RFX7: variants seen among roughly 807,000 people sequenced by gnomAD.
RFX7 encodes the protein DNA-binding protein RFX7.
RFX7 carries 26 observed loss-of-function variants against 111.8 expected under a neutral mutation model. The ratio of observed to expected loss-of-function variants is 0.23; its 90% CI spans 0.17 to 0.32. The LOEUF (loss-of-function observed/expected upper bound fraction) is 0.32, where lower values mean the gene tolerates loss of function less well. Ranked by LOEUF, RFX7 falls within the 10% of genes least tolerant of loss-of-function variation. The pLI is 1.00. For synonymous variants in RFX7, 624 were observed against 624.4 expected (o/e 1.00, Z 0.01); for missense variants, 1,573 against 1,772.9 (o/e 0.89, Z 2.02).
intron 2 of RFX7, among the ~76,000 whole-genome samples, chr15:56,241,538 T>C (rs1398876331): frequency 6.6e-6 from 1 of 152,170 alleles, no homozygotes; most frequent in Non-Finnish European, 1.5e-5. Context: ...CTTAATTCAA[T>C]TTAATGATGA....
rs2043759621 is a variant in RFX7, at chr15:56,243,821, G to C, written c.-379C>G. ...GCCGCCGCCGCTCGCTCCCGGCCCC[G>C]CCGCCGCCGCGGCCGCCGCTGCCCT... On this transcript the variant is annotated 5_prime_UTR_variant, in exon 1 of 10. Transcript: ENST00000559447. 6.8e-6 allele frequency among the ~76,000 whole-genome samples: 1 copy of C among 147,138 alleles called. No individual in the cohort carries two copies. Among genetic ancestry groups the C allele is most frequent in the African/African-American group, 2.4e-5 (1 of 40,836 alleles).
intron 5 of RFX7, among the ~76,000 whole-genome samples, chr15:56,120,318 G>C (rs1187881934): frequency 6.6e-6 from 1 of 152,050 alleles, no homozygotes; most frequent in African/African-American, 2.4e-5. Context: ...TGGCAAATAG[G>C]AATGCTACTG....
intron 2 of RFX7, among the ~76,000 whole-genome samples, chr15:56,203,998 A>G (rs1298462602): frequency 6.9e-6 from 1 of 144,662 alleles, no homozygotes; most frequent in Non-Finnish European, 1.5e-5. Context: ...TCTGATTGGG[A>G]CCTCTTTTCT....
chr15:56,151,313 G>C (rs1291086904), intron 3 of RFX7, among the ~76,000 whole-genome samples: 1 of 152,190 alleles, frequency 6.6e-6, no homozygotes, highest in Non-Finnish European at 1.5e-5. Context: ...CAGACAGAAA[G>C]GTCAGGTTAC....
chr15:56,164,400 CAT>C lies in RFX7; in HGVS notation c.195+14868_195+14869del, dbSNP rs140817248. 2.1e-4 allele frequency among the ~76,000 whole-genome samples: 32 copies of C among 152,294 alleles called. No homozygotes were observed. The East Asian group carries it at 6.2e-3, about 29-fold the overall frequency. On this transcript the variant is annotated intron_variant, in intron 3 of 9. Coordinates refer to ENST00000559447, the MANE Select transcript of RFX7 (RefSeq NM_022841.7). Reference sequence around the variant, plus strand: ...ACCATCCAGACTATATCTGAGCAATCATATGTTTTAATATCCAAGATCTGTGA... The same window carrying C: ...ACCATCCAGACTATATCTGAGCAATCATGTTTTAATATCCAAGATCTGTGA...
intron 3 of RFX7, among the ~76,000 whole-genome samples, chr15:56,147,550 T>C (rs2042495886): frequency 6.6e-6 from 1 of 152,082 alleles, no homozygotes; most frequent in Admixed American, 6.6e-5. Flanking sequence ...TTTTATGCTA[T>C]GTATATTTTA....
chr15:56,158,467 C>T (rs1473050926), intron 3 of RFX7, among the ~76,000 whole-genome samples: 1 of 151,968 alleles, frequency 6.6e-6, no homozygotes, highest in East Asian at 1.9e-4. Context: ...TTTGATGTGG[C>T]AAAGTAAGGC....
intron 3 of RFX7, among the ~76,000 whole-genome samples, chr15:56,177,660 G>C (rs1327529602): frequency 6.6e-6 from 1 of 152,094 alleles, no homozygotes; most frequent in Non-Finnish European, 1.5e-5. Flanking sequence ...TTAATGAAGA[G>C]AAAAAAGTGA....
At chr15:56,163,234 C>T (rs2042745761) in intron 3 of RFX7, among the ~76,000 whole-genome samples, 1 of 152,062 alleles carries the variant, frequency 6.6e-6, no homozygotes, top group Middle Eastern at 3.2e-3. Flanking sequence ...TAACCCCTCA[C>T]AGATGCAGCA....
At chr15:56,109,836 G>C (rs1323964079) in intron 5 of RFX7, among the ~76,000 whole-genome samples, 1 of 149,646 alleles carries the variant, frequency 6.7e-6, no homozygotes, top group African/African-American at 2.5e-5. Flanking sequence ...GAAGTGAGGA[G>C]CCCCTCCGCC....
chr15:56,211,171 G>T lies in RFX7; in HGVS notation c.162-31868C>A, dbSNP rs539021693. Among the ~76,000 whole-genome samples the T allele has an allele frequency of 2.0e-5, 3 of 152,098 alleles. No homozygotes were observed. The South Asian group carries it at 6.2e-4, about 32-fold the overall frequency. On this transcript the variant is annotated intron_variant, in intron 2 of 9. Transcript: ENST00000559447. ...AAACCAAAAGCAAAGGGTCTGGATG[G>T]GTTCACTGGTAAGTTCTACCAAACA...
chr15:56,240,968 G>A (rs1402008715), intron 2 of RFX7, among the ~76,000 whole-genome samples: 1 of 151,916 alleles, frequency 6.6e-6, no homozygotes. Flanking sequence ...CCATTCTTGT[G>A]GAGCAGGGGG....
At chr15:56,219,344 C>T (rs2043400200) in intron 2 of RFX7, among the ~76,000 whole-genome samples, 3 of 152,068 alleles carry the variant, frequency 2.0e-5, no homozygotes, top group African/African-American at 7.2e-5. Context: ...CATGTTTTTT[C>T]CATCCTTTTA....
chr15:56,126,766 T>C (rs1328992765), intron 5 of RFX7, among the ~76,000 whole-genome samples: 2 of 152,004 alleles, frequency 1.3e-5, no homozygotes, highest in African/African-American at 4.8e-5. Flanking sequence ...TGTACTAATA[T>C]CAGAGAAGAG....
intron 5 of RFX7, among the ~76,000 whole-genome samples, chr15:56,104,802 G>GGT (rs1162184476): frequency 2.4e-4 from 2 of 8,488 alleles, no homozygotes; most frequent in Non-Finnish European, 6.1e-3. Flanking sequence ...TACCCCTGGG[G>GGT]TTAAAAGATG....
chr15:56,093,421 G>C lies in RFX7; in HGVS notation c.4307C>G (p.Ser1436Cys). 6.2e-7 allele frequency: 1 copy of C among 1,613,496 alleles called. No individual in the cohort carries two copies. Among genetic ancestry groups the C allele is most frequent in the Non-Finnish European group, 8.5e-7 (1 of 1,179,580 alleles). The change falls in exon 10 of 10, where the codon TCC becomes TGC. Residue 1436 changes from serine to cysteine, a missense_variant. Transcript: ENST00000559447. ...DPLFQQICSE[S>C]MNSMTSSGFE... is the part of the protein sequence containing the mutation. Reference sequence around the variant, plus strand: ...ACCTGATGAAGTCATAGAATTCATGGATTCACTGCAAATTTGTTGAAATAA... The same window carrying C: ...ACCTGATGAAGTCATAGAATTCATGCATTCACTGCAAATTTGTTGAAATAA...
At chr15:56,170,818 C>G (rs756177087) in intron 3 of RFX7, among the ~76,000 whole-genome samples, 2 of 152,074 alleles carry the variant, frequency 1.3e-5, no homozygotes, top group Non-Finnish European at 2.9e-5. Context: ...ATGGATAATG[C>G]TCTTACAGAT....
intron 5 of RFX7, among the ~76,000 whole-genome samples, chr15:56,105,231 G>A (rs1309552101): frequency 6.6e-6 from 1 of 152,076 alleles, no homozygotes; most frequent in Non-Finnish European, 1.5e-5. Context: ...CTAAAGCAAC[G>A]TCCTCATGTC....
rs1837230106 is a variant in RFX7 at position 56,094,222 on chromosome 15, G to A, written c.3506C>T (p.Pro1169Leu). The change falls in exon 10 of 10, where the codon CCT (proline) becomes CTT (leucine). Residue 1169 changes from proline (P) to leucine (L), a missense_variant. This residue lies in a region of RFX7 where 411 missense variants were observed against 478.1 expected (regional missense o/e 0.86). Transcript: ENST00000559447. ...AAGATTACGTTGGCGATGAACAGCA[G>A]GGCTCACACTCCGGCATCTGAAGTT... ...SSNFRCRSVS[P>L]AVHRQRNLSG... 1 of 1,613,824 alleles carries A rather than the reference G, an allele frequency of 6.2e-7. No individual in the cohort carries two copies. Among genetic ancestry groups the A allele is most frequent in the Non-Finnish European group, 8.5e-7 (1 of 1,179,876 alleles).
Sources: gnomAD v4.1 joint callset for allele counts (sites outside exome capture counted in the v4.1 genomes callset) on GRCh38, gnomAD v4.1.1 for gene constraint, gnomAD v4.1.1 regional missense constraint, MANE v1.5 for transcripts, NCBI Gene and HGNC (gene_info 2026-07-23, HGNC 2026-07-21) for gene names.